Variants in USP6NL observed in about 807,000 individuals in gnomAD.
USP6NL encodes the protein USP6 N-terminal like.
A neutral mutation model predicts 61.9 loss-of-function variants in USP6NL; 26 were observed. That is an observed-to-expected ratio of 0.42 (90% confidence interval 0.31 to 0.58). USP6NL has a LOEUF of 0.58. Among genes scored for constraint, USP6NL ranks in the 20% least tolerant of loss-of-function variants. The pLI, the probability that USP6NL is intolerant of heterozygous loss-of-function variation, is 0.16. For missense variants in USP6NL, 1,114 were observed against 1,034.3 expected, an observed-to-expected ratio of 1.08 and a Z score of -1.06; for synonymous variants, 432 against 390.1, an observed-to-expected ratio of 1.11 and a Z score of -1.27.
chr10:11,512,414 T>C (rs1834759591), intron 5 of USP6NL, among the ~76,000 whole-genome samples: 1 of 152,150 alleles, frequency 6.6e-6, no homozygotes, highest in African/African-American at 2.4e-5. Context: ...TCAGAGTTCC[T>C]AGATGAAAAC....
chr10:11,576,948 AATG>A (rs1837568929), intron 2 of USP6NL, among the ~76,000 whole-genome samples: 2 of 152,232 alleles, frequency 1.3e-5, no homozygotes, highest in Admixed American at 1.3e-4. Context: ...ACTAGGTAGA[AATG>A]ATATTTTTCA....
rs75144355 is a variant in USP6NL at position 11,541,086 on chromosome 10, A to T, written c.5-13519T>A. ...CACACATTTCACCTAACAAATCCTG[A>T]ACTGCGTTATATGTATCTCATGTGT... is the stretch of plus-strand genomic sequence containing the variant. On this transcript the variant is annotated intron_variant, in intron 2 of 14. Transcript: ENST00000609104. 3.4e-3 allele frequency among the ~76,000 whole-genome samples: 520 copies of T among 151,894 alleles called. 2 individuals are homozygous for T. The highest frequency in any genetic ancestry group is 0.012 in the African/African-American group (507 of 41,434).
At chr10:11,533,441 T>C (rs1012195939) in intron 2 of USP6NL, among the ~76,000 whole-genome samples, 3 of 152,244 alleles carry the variant, frequency 2.0e-5, no homozygotes, top group Admixed American at 1.3e-4. Flanking sequence ...ATTACAGATG[T>C]AATTCAGCTA....
At chr10:11,503,822 G>A (rs911018418) in intron 6 of USP6NL, among the ~76,000 whole-genome samples, 10 of 152,014 alleles carry the variant, frequency 6.6e-5, no homozygotes, top group Non-Finnish European at 1.2e-4. Context: ...AACGTAGAAC[G>A]TGAATCACAA....
Position 11,518,519 on chromosome 10 carries a change from C to T in USP6NL, c.195+16G>A. 6.2e-7 allele frequency: 1 copy of T among 1,610,656 alleles called. No individual in the cohort carries two copies. The highest frequency in any genetic ancestry group is 8.5e-7 in the Non-Finnish European group (1 of 1,178,118). On this transcript the variant is annotated intron_variant, in intron 5 of 14. Coordinates refer to ENST00000609104, the MANE Select transcript of USP6NL (RefSeq NM_014688.5). The surrounding 1 kb of genome is among the most constrained non-coding windows in gnomAD (Gnocchi z 5.3). ...AATTCACCAGTAACTGTAAATACAT[C>T]AAGAGCAGGACTTACCCGTTCCACA...
rs1835701272 is a variant in USP6NL at position 11,532,547 on chromosome 10, C to T, written c.5-4980G>A. 1.3e-5 allele frequency among the ~76,000 whole-genome samples: 2 copies of T among 152,184 alleles called. No homozygotes were observed. Among genetic ancestry groups the T allele is most frequent in the Admixed American group, 6.5e-5 (1 of 15,282 alleles). On this transcript the variant is annotated intron_variant, in intron 2 of 14. Transcript: ENST00000609104. This position sits in a 1 kb window ranked among gnomAD's most constrained non-coding sequence, Gnocchi z 4.1. The stretch of plus-strand genomic sequence containing the variant: ...AACTATGAGGCACACCAGCCTACAC[C>T]AGCATTCCATCCGCTAACAAACAGC...
In USP6NL at chr10:11,476,080, G is replaced by C. The variant is rs1832957912; in HGVS notation, c.1078+5690C>G. 6.6e-6 allele frequency among the ~76,000 whole-genome samples: 1 copy of C among 152,134 alleles called. No homozygotes were observed. The highest frequency in any genetic ancestry group is 1.5e-5 in the Non-Finnish European group (1 of 68,024). ...GGAAAACAAAAGGTGGGGTGAAGAG[G>C]GGGGAAGAGGAAAGGTGTACTGCTC... On this transcript the variant is annotated intron_variant, in intron 14 of 14. Transcript: ENST00000609104. This position sits in a 1 kb window ranked among gnomAD's most constrained non-coding sequence, Gnocchi z 4.3.
At position 11,518,895 on chromosome 10, in the gene USP6NL, C is replaced by T. The variant is rs189368085; in HGVS notation, c.156-321G>A. On this transcript the variant is annotated intron_variant, in intron 4 of 14. Transcript: ENST00000609104. This position sits in a 1 kb window ranked among gnomAD's most constrained non-coding sequence, Gnocchi z 5.3. Reference sequence around the variant, plus strand: ...GCACAGTTCAAGTGCATGAATGTCACGTAGCTAGAAGCCACCATATTGAAC... The same window carrying T: ...GCACAGTTCAAGTGCATGAATGTCATGTAGCTAGAAGCCACCATATTGAAC... 3.2e-3 allele frequency among the ~76,000 whole-genome samples: 494 copies of T among 152,316 alleles called. 2 individuals carry two copies. The highest frequency in any genetic ancestry group is 0.011 in the African/African-American group (454 of 41,562).
At position 11,499,094 on chromosome 10, in the gene USP6NL, C is replaced by G. The variant is rs552860546; in HGVS notation, c.384+2007G>C. On this transcript the variant is annotated intron_variant, in intron 7 of 14. Coordinates refer to ENST00000609104, the MANE Select transcript of USP6NL (RefSeq NM_014688.5). This position sits in a 1 kb window ranked among gnomAD's most constrained non-coding sequence, Gnocchi z 4.5. Reference sequence around the variant, plus strand: ...ATATGCTGGGTCCAAATAATTTCACCCATCTGAGAAAAGTCTCGGCAGATT... The same window carrying G: ...ATATGCTGGGTCCAAATAATTTCACGCATCTGAGAAAAGTCTCGGCAGATT... Among the ~76,000 whole-genome samples the G allele has an allele frequency of 2.6e-5, 4 of 152,208 alleles. No homozygotes were observed. In the South Asian group the frequency reaches 6.2e-4, roughly 24 times the overall value.
chr10:11,465,920 A>G lies in USP6NL; in HGVS notation c.1079-2071T>C, dbSNP rs1339636026. ...TGTGATAATTTGCTTGTATGGTCCTAGCACATTTTCAGTGTCAACAATGTA... is the reference window on the plus strand; with the variant it reads ...TGTGATAATTTGCTTGTATGGTCCTGGCACATTTTCAGTGTCAACAATGTA... On this transcript the variant is annotated intron_variant, in intron 14 of 14. Transcript: ENST00000609104. This position sits in a 1 kb window ranked among gnomAD's most constrained non-coding sequence, Gnocchi z 4.5. Among the ~76,000 whole-genome samples the G allele has an allele frequency of 2.0e-5, 3 of 152,228 alleles. No homozygotes were observed. Among genetic ancestry groups the G allele is most frequent in the Non-Finnish European group, 2.9e-5 (2 of 68,038 alleles).
Position 11,462,729 on chromosome 10 carries a change from G to C in USP6NL, c.2199C>G (p.Asn733Lys). Residue 733 changes from asparagine to lysine, a missense_variant, in exon 15 of 15, where the codon AAC becomes AAG. Asn to Lys is a moderately conservative substitution (Grantham distance 94). Transcript: ENST00000609104. Reference sequence around the variant, plus strand: ...TATAACTAACTTCTGACCATGTTCTGTTATCTGGCAAGTAATCCACTGGTG... The same window carrying C: ...TATAACTAACTTCTGACCATGTTCTCTTATCTGGCAAGTAATCCACTGGTG... The part of the protein sequence containing the change: ...IIPPVDYLPD[N>K]RTWSEVSYTY... The C allele has an allele frequency of 6.2e-7, 1 of 1,614,024 alleles. No homozygotes were observed. The highest frequency in any genetic ancestry group is 8.5e-7 in the Non-Finnish European group (1 of 1,179,896).
intron 6 of USP6NL, among the ~76,000 whole-genome samples, chr10:11,503,955 T>C (rs1834323746): frequency 6.6e-6 from 1 of 151,974 alleles, no homozygotes; most frequent in Non-Finnish European, 1.5e-5. Flanking sequence ...CTAAAATACA[T>C]GGAATAGCGA....
intron 14 of USP6NL, among the ~76,000 whole-genome samples, chr10:11,480,336 G>T (rs997059781): frequency 1.3e-5 from 2 of 152,110 alleles, no homozygotes; most frequent in African/African-American, 4.8e-5. Flanking sequence ...CACAGGTTTT[G>T]AATTATCTCA....
chr10:11,561,038 G>A lies in USP6NL; in HGVS notation c.5-33471C>T, dbSNP rs1437854348. The stretch of plus-strand genomic sequence containing the variant: ...AAAGCAGTTAATCTACATCTATTTC[G>A]AGCATACTCAAGCAGCCCTGAATAT... On this transcript the variant is annotated intron_variant, in intron 2 of 14. Transcript: ENST00000609104. The surrounding 1 kb of genome is among the most constrained non-coding windows in gnomAD (Gnocchi z 4.1). Among the ~76,000 whole-genome samples the A allele has an allele frequency of 6.6e-6, 1 of 151,952 alleles. No individual in the cohort carries two copies. The highest frequency in any genetic ancestry group is 1.9e-4 in the East Asian group (1 of 5,190).
chr10:11,475,223 AAGGT>A (rs1249837623), intron 14 of USP6NL, among the ~76,000 whole-genome samples: 1 of 152,020 alleles, frequency 6.6e-6, no homozygotes, highest in Non-Finnish European at 1.5e-5. Flanking sequence ...ACTACATTTT[AAGGT>A]AACCAAAGAG....
At chr10:11,601,073 G>A (rs896266193) in intron 1 of USP6NL, among the ~76,000 whole-genome samples, 1 of 152,094 alleles carries the variant, frequency 6.6e-6, no homozygotes, top group African/African-American at 2.4e-5. Flanking sequence ...AATGTTCACA[G>A]CAATGCTATT....
chr10:11,512,608 C>G (rs1834770035), intron 5 of USP6NL, among the ~76,000 whole-genome samples: 1 of 152,226 alleles, frequency 6.6e-6, no homozygotes, highest in Non-Finnish European at 1.5e-5. Flanking sequence ...CCTTCCAGTT[C>G]TACCTCCTGC....
intron 1 of USP6NL, among the ~76,000 whole-genome samples, chr10:11,599,433 A>G (rs1447851474): frequency 6.6e-6 from 1 of 152,228 alleles, no homozygotes; most frequent in Non-Finnish European, 1.5e-5. Context: ...AAGGAGCCAA[A>G]GAAATACTTA....
rs932287226 is a variant in USP6NL, at chr10:11,589,418, A to G, written c.4+8213T>C. 1.3e-5 allele frequency among the ~76,000 whole-genome samples: 2 copies of G among 152,214 alleles called. No homozygotes were observed. The highest frequency in any genetic ancestry group is 6.5e-5 in the Admixed American group (1 of 15,278). On this transcript the variant is annotated intron_variant, in intron 2 of 14. Transcript: ENST00000609104. The surrounding 1 kb of genome is among the most constrained non-coding windows in gnomAD (Gnocchi z 4.7). The stretch of plus-strand genomic sequence containing the variant: ...TCCCCTAATCCAGAACACTTCACAC[A>G]TGACCTACATCTACATATCATAGAA...
Sources: allele counts gnomAD v4.1 joint callset (sites outside exome capture counted in the v4.1 genomes callset), GRCh38; gene constraint gnomAD v4.1.1; non-coding constraint Gnocchi (gnomAD v3.1); transcripts MANE v1.5; gene names NCBI Gene and HGNC (gene_info 2026-07-23, HGNC 2026-07-21).